Variants in TENM2 observed in about 807,000 individuals in gnomAD.
TENM2 encodes teneurin transmembrane protein 2, also known as teneurin-2.
Under a neutral mutation model 245.2 loss-of-function variants are expected in TENM2, and 52 were observed. The ratio of observed to expected loss-of-function variants is 0.21; its 90% CI spans 0.17 to 0.27. The LOEUF is 0.27. Ranked by LOEUF, TENM2 falls within the 10% of genes least tolerant of loss-of-function variation. The probability of loss-of-function intolerance (pLI) is 1.00; values close to 1 mark genes in which losing one functional copy is unlikely to be tolerated. For synonymous variants in TENM2, 1,363 were observed against 1,438.9 expected, an observed-to-expected ratio of 0.95 and a Z score of 1.19; for missense variants, 3,046 against 3,666.8, an observed-to-expected ratio of 0.83 and a Z score of 4.37.
At chr5:168,190,534 C>A (rs745686658) in exon 14 of TENM2, 14 of 1,613,702 alleles carry the variant, frequency 8.7e-6, no homozygotes, top group African/African-American at 5.3e-5. Flanking sequence ...TGGAGAGAAC[C>A]CTTTCAACAG....
intron 25 of TENM2, among the ~76,000 whole-genome samples, chr5:168,230,460 A>G (rs796182465): frequency 9.2e-5 from 14 of 152,318 alleles, no homozygotes; most frequent in African/African-American, 3.1e-4. Context: ...GGAAGAAGGT[A>G]TAAGGGAAAT....
At position 168,061,658 on chromosome 5, in the gene TENM2, G is replaced by A. The variant is rs532145947; in HGVS notation, c.1310-402G>A. Among the ~76,000 whole-genome samples the A allele has an allele frequency of 1.8e-4, 28 of 152,168 alleles. 1 individual carries two copies. The South Asian group carries it at 5.4e-3, about 29-fold the overall frequency. ...AAATGTCAGAGTATATTTGTGTCTA[G>A]AAAGAATAATGAAAGGCTACAAGAA... On this transcript the variant is annotated intron_variant, in intron 6 of 28. Transcript: ENST00000518659.
intron 2 of TENM2, among the ~76,000 whole-genome samples, chr5:167,466,733 A>G (rs1328569292): frequency 6.6e-6 from 1 of 152,168 alleles, no homozygotes; most frequent in Non-Finnish European, 1.5e-5. Context: ...TTTGTTTTGT[A>G]GGAACATAAA....
At chr5:168,122,132 C>G (rs1238204451) in intron 10 of TENM2, among the ~76,000 whole-genome samples, 1 of 152,210 alleles carries the variant, frequency 6.6e-6, no homozygotes, top group Non-Finnish European at 1.5e-5. Flanking sequence ...CTTACCTGTG[C>G]TAGGCATGAG....
intron 12 of TENM2, among the ~76,000 whole-genome samples, chr5:168,156,181 A>G (rs1757143577): frequency 6.7e-6 from 1 of 149,522 alleles, no homozygotes. Context: ...ACAGACAGTA[A>G]GAGAGACATC....
At chr5:167,983,265 C>T (rs1040622038) in intron 4 of TENM2, among the ~76,000 whole-genome samples, 2 of 151,900 alleles carry the variant, frequency 1.3e-5, no homozygotes, top group Non-Finnish European at 2.9e-5. Context: ...TTAATGACCT[C>T]GAGAGACCTT....
the TENM2 span, among the ~76,000 whole-genome samples, chr5:167,266,279 A>T: frequency 6.6e-6 from 1 of 152,162 alleles, no homozygotes; most frequent in Non-Finnish European, 1.5e-5. Flanking sequence ...CTGGGGTATA[A>T]GAAGAAGGGG....
intron 2 of TENM2, among the ~76,000 whole-genome samples, chr5:167,591,324 A>G (rs138565248): frequency 8.3e-4 from 126 of 152,352 alleles, no homozygotes; most frequent in Middle Eastern, 3.4e-3. Context: ...AATGTATGAC[A>G]TAAACATTTG....
intron 4 of TENM2, among the ~76,000 whole-genome samples, chr5:167,971,658 G>A (rs181489765): frequency 2.7e-3 from 416 of 152,094 alleles, no homozygotes; most frequent in Non-Finnish European, 4.8e-3. Context: ...CCAAGATCGC[G>A]CCACTGCACT....
At chr5:167,470,454 C>CTTGTTTTTTTTTTTTTTTTTTTTT (rs1766940200) in intron 2 of TENM2, among the ~76,000 whole-genome samples, 2 of 47,394 alleles carry the variant, frequency 4.2e-5, no homozygotes, top group African/African-American at 8.4e-5. Context: ...GCAATGCTTG[C>CTTGTTTTTTTTTTTTTTTTTTTTT]TTTTTTTTTT....
At chr5:167,503,186 C>A (rs1028372756) in intron 2 of TENM2, among the ~76,000 whole-genome samples, 7 of 152,250 alleles carry the variant, frequency 4.6e-5, no homozygotes, top group Middle Eastern at 3.4e-3. Flanking sequence ...TTTGGAAATA[C>A]AGTAAGCAAT....
chr5:168,152,603 T>A (rs527840133), intron 12 of TENM2, among the ~76,000 whole-genome samples: 1 of 152,310 alleles, frequency 6.6e-6, no homozygotes, highest in East Asian at 1.9e-4. Context: ...TACTGGTAGG[T>A]ACCACATTCA....
At chr5:168,231,342 C>T (rs563936298) in intron 25 of TENM2, among the ~76,000 whole-genome samples, 1 of 152,292 alleles carries the variant, frequency 6.6e-6, no homozygotes, top group African/African-American at 2.4e-5. Flanking sequence ...TAAGAATCAG[C>T]CAGGCAGAGA....
intron 2 of TENM2, among the ~76,000 whole-genome samples, chr5:167,508,596 T>C (rs528927300): frequency 6.6e-6 from 1 of 152,182 alleles, no homozygotes; most frequent in Admixed American, 6.5e-5. Flanking sequence ...CTGTGAGGCA[T>C]GCATGCAAGG....
intron 2 of TENM2, among the ~76,000 whole-genome samples, chr5:167,793,323 G>A (rs1043702831): frequency 6.6e-6 from 1 of 152,074 alleles, no homozygotes; most frequent in African/African-American, 2.4e-5. Context: ...AGCTTCATGG[G>A]ATGGAAGAAG....
chr5:167,280,804 ATCTG>A (rs1242722030), upstream of TENM2, among the ~76,000 whole-genome samples: 7 of 143,674 alleles, frequency 4.9e-5, no homozygotes, highest in Middle Eastern at 3.5e-3. Flanking sequence ...CTATCTATCT[ATCTG>A]TCATCTATCT....
At chr5:168,113,167 T>A (rs1353295910) in intron 9 of TENM2, among the ~76,000 whole-genome samples, 4 of 151,674 alleles carry the variant, frequency 2.6e-5, no homozygotes, top group East Asian at 1.9e-4. Flanking sequence ...ATTTTTTTTT[T>A]AAATTAGCTG....
At chr5:167,536,594 A>G (rs1022202858) in intron 2 of TENM2, among the ~76,000 whole-genome samples, 1 of 152,202 alleles carries the variant, frequency 6.6e-6, no homozygotes, top group African/African-American at 2.4e-5. Context: ...ATAGTAGTCT[A>G]TGAGTTCAGA....
intron 8 of TENM2, among the ~76,000 whole-genome samples, chr5:168,095,935 C>G (rs1793331075): frequency 6.6e-6 from 1 of 152,170 alleles, no homozygotes; most frequent in Non-Finnish European, 1.5e-5. Flanking sequence ...AGTAACACCT[C>G]AGGGCCTCCC....
Sources: gnomAD v4.1 joint callset for allele counts (sites outside exome capture counted in the v4.1 genomes callset) on GRCh38, gnomAD v4.1.1 for gene constraint, MANE v1.5 for transcripts, NCBI Gene and HGNC (gene_info 2026-07-23, HGNC 2026-07-21) for gene names.